The following SSUH2 variants were observed in gnomAD, a reference collection of about 807,000 sequenced individuals.
SSUH2 encodes the protein ssu-2 homolog.
A neutral mutation model predicts 55.3 loss-of-function variants in SSUH2; 47 were observed. The ratio of observed to expected loss-of-function variants is 0.85; its 90% CI spans 0.67 to 1.08. The LOEUF (loss-of-function observed/expected upper bound fraction) is 1.08. Ranked by LOEUF, SSUH2 falls within the 50% of genes least tolerant of loss-of-function variation. The pLI, the probability that SSUH2 is intolerant of heterozygous loss-of-function variation, is 0.00. For synonymous variants in SSUH2, 212 were observed against 191.5 expected (o/e 1.11, Z -0.89); for missense variants, 535 against 490.7 (o/e 1.09, Z -0.85).
chr3:8,675,346 G>A (rs143034623), intron 3 of SSUH2, among the ~76,000 whole-genome samples: 46 of 152,292 alleles, frequency 3.0e-4, no homozygotes, highest in African/African-American at 1.1e-3. Context: ...CACCATCTTC[G>A]GGAAGGCGTT....
Position 8,643,679 on chromosome 3 carries a change from C to T in SSUH2, c.28+1052G>A, listed in dbSNP as rs553039376. On this transcript the variant is annotated intron_variant, in intron 1 of 11. Coordinates refer to ENST00000544814, the MANE Select transcript of SSUH2 (RefSeq NM_001256748.3). ...ATTAAAGACAAGAAAGAGTGTTATG[C>T]CTGCAAAGAAGCTCCAGTGTCATCA... is the stretch of plus-strand genomic sequence containing the variant. Among the ~76,000 whole-genome samples, 4 of 152,218 alleles carry T rather than the reference C, an allele frequency of 2.6e-5. No homozygotes were observed. The South Asian group carries it at 8.3e-4, about 32-fold the overall frequency.
intron 10 of SSUH2, 34 bp downstream of exon 10, chr3:8,625,508 G>A: frequency 7.2e-7 from 1 of 1,397,850 alleles, no homozygotes. Flanking sequence ...GAGGAACCCA[G>A]CTTCCTTTGT....
At chr3:8,639,455 T>A (rs1169812472) in intron 1 of SSUH2, among the ~76,000 whole-genome samples, 1 of 152,202 alleles carries the variant, frequency 6.6e-6, no homozygotes, top group East Asian at 1.9e-4. Context: ...AGAGCTCAGA[T>A]CCTGTCTCCA....
In SSUH2 at chr3:8,666,812, G is replaced by A. The variant is rs114348644; in HGVS notation, c.-454-3010C>T. Among the ~76,000 whole-genome samples, 284 of 152,302 alleles carry A rather than the reference G, an allele frequency of 1.9e-3. 1 individual carries two copies. The highest frequency in any genetic ancestry group is 6.4e-3 in the African/African-American group (265 of 41,576). ...GCAAGTCCAGGACTCTGGAACTCCT[G>A]ACCAACCTGCTTCAAGTTGGCCTCC... On this transcript the variant is annotated intron_variant, in intron 5 of 18. Coordinates refer to the SSUH2 transcript ENST00000317371.
chr3:8,653,386 T>A (rs1702622785), intron 7 of SSUH2, among the ~76,000 whole-genome samples: 1 of 152,264 alleles, frequency 6.6e-6, no homozygotes, highest in Non-Finnish European at 1.5e-5. Flanking sequence ...AATGTCCACA[T>A]GTCAATTTAC....
rs140256768 is a variant in SSUH2 at position 8,660,071 on chromosome 3, T to A, written c.-395-1058A>T. Among the ~76,000 whole-genome samples the A allele has an allele frequency of 3.1e-3, 474 of 152,332 alleles. 1 individual carries two copies. The highest frequency in any genetic ancestry group is 0.011 in the African/African-American group (455 of 41,574). On this transcript the variant is annotated intron_variant, in intron 6 of 18. Coordinates refer to the SSUH2 transcript ENST00000317371. ...ACTCGGGTCCCAACAGGGAAGCTAGTCTGCTCCAGTCAGATCCCAGGAGGC... is the reference window on the plus strand; with the variant it reads ...ACTCGGGTCCCAACAGGGAAGCTAGACTGCTCCAGTCAGATCCCAGGAGGC...
rs79981273 is a variant in SSUH2, at chr3:8,619,806, A to T, written c.*62T>A. ...TGCAGCCAACAGTGAACACACTCAG[A>T]GAGTGTCGGCCATCTTCCTTGGCAA... On this transcript the variant is annotated 3_prime_UTR_variant, in exon 12 of 12. Coordinates refer to ENST00000544814, the MANE Select transcript of SSUH2 (RefSeq NM_001256748.3). 1.6e-3 allele frequency: 2,525 copies of T among 1,565,426 alleles called. 47 individuals carry two copies. The African/African-American group carries it at 0.03, about 19-fold the overall frequency.
intron 7 of SSUH2, 30 bp downstream of exon 7, chr3:8,629,634 T>TGACTCACCAGTGGTTCACAGAA: frequency 6.5e-7 from 1 of 1,544,058 alleles, no homozygotes; most frequent in Non-Finnish European, 8.8e-7. Context: ...ACACCCTCAC[T>TGACTCACCAGTGGTTCACAGAA]GACTCACCAG....
intron 1 of SSUH2, among the ~76,000 whole-genome samples, chr3:8,644,058 T>C (rs1229775464): frequency 6.6e-6 from 1 of 152,122 alleles, no homozygotes; most frequent in African/African-American, 2.4e-5. Flanking sequence ...AATTTCCCTT[T>C]TTAAAACATA....
At chr3:8,633,832 G>C (rs1034325428) in intron 3 of SSUH2, 37 bp from the exon 4 acceptor site, 4 of 1,613,134 alleles carry the variant, frequency 2.5e-6, no homozygotes, top group Non-Finnish European at 3.4e-6. Context: ...GGGCTTCTGG[G>C]AAGGGCCTGT....
intron 3 of SSUH2, among the ~76,000 whole-genome samples, chr3:8,673,623 C>T (rs1352352699): frequency 6.6e-6 from 1 of 152,186 alleles, no homozygotes; most frequent in Non-Finnish European, 1.5e-5. Context: ...GCTCATGTTC[C>T]TCTTTAACAG....
At chr3:8,630,341 T>G (rs1042523089) in intron 6 of SSUH2, among the ~76,000 whole-genome samples, 2 of 152,158 alleles carry the variant, frequency 1.3e-5, no homozygotes, top group Non-Finnish European at 2.9e-5. Flanking sequence ...TCCACTAGGC[T>G]CCTCTCCCTT....
chr3:8,674,882 C>A (rs1705057638), intron 3 of SSUH2, among the ~76,000 whole-genome samples: 1 of 151,948 alleles, frequency 6.6e-6, no homozygotes, highest in African/African-American at 2.4e-5. Context: ...GGGCGGAAGA[C>A]AACCCTCTGG....
At chr3:8,631,133 C>T (rs1698688931) in intron 5 of SSUH2, among the ~76,000 whole-genome samples, 1 of 152,146 alleles carries the variant, frequency 6.6e-6, no homozygotes, top group African/African-American at 2.4e-5. Flanking sequence ...GGTTTGACTC[C>T]TGGCTCTTTT....
chr3:8,662,615 A>T (rs1188070410), intron 6 of SSUH2, among the ~76,000 whole-genome samples: 1 of 152,232 alleles, frequency 6.6e-6, no homozygotes, highest in African/African-American at 2.4e-5. Flanking sequence ...GATATACAGA[A>T]GTAGAAGAAG....
At chr3:8,676,618 G>T (rs1369602849) in intron 3 of SSUH2, among the ~76,000 whole-genome samples, 8 of 151,040 alleles carry the variant, frequency 5.3e-5, no homozygotes, top group Admixed American at 5.3e-4. Flanking sequence ...TACACATCGT[G>T]CTCTATTATG....
intron 5 of SSUH2, among the ~76,000 whole-genome samples, chr3:8,670,718 C>T (rs1704473045): frequency 6.6e-6 from 1 of 151,892 alleles, no homozygotes; most frequent in African/African-American, 2.4e-5. Context: ...TAGGATATCA[C>T]AAACAATATC....
intron 1 of SSUH2, among the ~76,000 whole-genome samples, chr3:8,643,422 C>T (rs1701192432): frequency 6.6e-6 from 1 of 152,130 alleles, no homozygotes; most frequent in Non-Finnish European, 1.5e-5. Context: ...AAAAAGATTG[C>T]ATTAGAATGT....
At chr3:8,647,578 T>C (rs1433769978), upstream of SSUH2, among the ~76,000 whole-genome samples, 1 of 152,158 alleles carries the variant, frequency 6.6e-6, no homozygotes, top group East Asian at 1.9e-4. Context: ...CCTTGAACAG[T>C]GCCTGGTCTG....
Sources: allele counts gnomAD v4.1 joint callset (sites outside exome capture counted in the v4.1 genomes callset), GRCh38; gene constraint gnomAD v4.1.1; transcripts MANE v1.5; gene names NCBI Gene and HGNC (gene_info 2026-07-23, HGNC 2026-07-21).